Variants in HS6ST2 observed in about 807,000 individuals in gnomAD.
HS6ST2 encodes heparan sulfate 6-O-sulfotransferase 2, also known as heparan-sulfate 6-O-sulfotransferase 2.
A neutral mutation model predicts 33.0 loss-of-function variants in HS6ST2; 17 were observed. That is an observed-to-expected ratio of 0.52 (90% CI 0.35 to 0.77). The LOEUF (loss-of-function observed/expected upper bound fraction) is 0.77, where lower values mean the gene tolerates loss of function less well. Among genes scored for constraint, HS6ST2 ranks in the 30% least tolerant of loss-of-function variants. The probability of loss-of-function intolerance (pLI) is 0.01; values close to 1 mark genes in which losing one functional copy is unlikely to be tolerated. For missense variants in HS6ST2, 519 were observed against 551.7 expected, an observed-to-expected ratio of 0.94 and a Z score of 0.59; for synonymous variants, 248 against 237.1, an observed-to-expected ratio of 1.05 and a Z score of -0.42.
intron 2 of HS6ST2, among the ~76,000 whole-genome samples, chrX:132,828,290 G>A (rs1014489238): frequency 5.1e-4 from 56 of 110,813 alleles, no homozygotes; most frequent in Middle Eastern, 4.6e-3. Flanking sequence ...AGAACAGATG[G>A]TAGTGGTTTT....
intron 2 of HS6ST2, among the ~76,000 whole-genome samples, chrX:132,748,435 T>C (rs1244885525): frequency 1.8e-5 from 2 of 112,024 alleles, no homozygotes; most frequent in Non-Finnish European, 3.8e-5. Context: ...CAGCTGTCCT[T>C]GGCTGCCACC....
rs150549373 is a variant in HS6ST2 at position 132,907,731 on chromosome X, A to G, written c.947+49077T>C. Among the ~76,000 whole-genome samples the G allele has an allele frequency of 3.4e-3, 377 of 112,226 alleles. 1 individual carries two copies. The highest frequency in any genetic ancestry group is 0.011 in the African/African-American group (354 of 30,889). On this transcript the variant is annotated intron_variant, in intron 2 of 4. Transcript: ENST00000370833. ...CAAGTCGACGTCCACATGCAAATGG[A>G]CAAAGATGGACCCCTACTTTATGCC...
chrX:132,865,469 T>G (rs1467339014), intron 2 of HS6ST2, among the ~76,000 whole-genome samples: 1 of 109,873 alleles, frequency 9.1e-6, no homozygotes, highest in Non-Finnish European at 1.9e-5. Flanking sequence ...GCAGCATGAT[T>G]TATAGTCCTT....
At chrX:132,630,333 A>G (rs2063508749) in intron 4 of HS6ST2, among the ~76,000 whole-genome samples, 1 of 112,360 alleles carries the variant, frequency 8.9e-6, no homozygotes, top group Non-Finnish European at 1.9e-5. Flanking sequence ...CTACACATAC[A>G]TGAGGAGCCA....
chrX:132,649,139 T>G (rs911769580), intron 4 of HS6ST2, among the ~76,000 whole-genome samples: 1 of 112,166 alleles, frequency 8.9e-6, no homozygotes, highest in Non-Finnish European at 1.9e-5. Context: ...TGCACTGTAT[T>G]ATGAATCAAT....
chrX:132,867,702 G>A (rs1411377621), intron 2 of HS6ST2, among the ~76,000 whole-genome samples: 1 of 111,486 alleles, frequency 9.0e-6, no homozygotes, highest in African/African-American at 3.3e-5. Flanking sequence ...CATAAGCAAA[G>A]GAGAAATAAA....
At chrX:132,877,542 C>T (rs2066119121) in intron 2 of HS6ST2, among the ~76,000 whole-genome samples, 1 of 111,264 alleles carries the variant, frequency 9.0e-6, no homozygotes, top group Non-Finnish European at 1.9e-5. Context: ...CAGCTCTAAC[C>T]TCTCAGCTCT....
intron 2 of HS6ST2, among the ~76,000 whole-genome samples, chrX:132,890,399 T>C (rs866511460): frequency 1.0e-4 from 11 of 106,486 alleles, no homozygotes; most frequent in Admixed American, 5.0e-4. Context: ...GGTTGGTGCA[T>C]AAGTAATTGC....
intron 2 of HS6ST2, among the ~76,000 whole-genome samples, chrX:132,741,307 T>G (rs184386849): frequency 0.017 from 1,862 of 109,194 alleles, 43 homozygotes; most frequent in African/African-American, 0.057. Context: ...GTTTTGTTTT[T>G]TTTTTTTTTT....
chrX:132,819,854 A>C (rs1305594842), intron 2 of HS6ST2, among the ~76,000 whole-genome samples: 4 of 112,548 alleles, frequency 3.6e-5, no homozygotes, highest in African/African-American at 1.3e-4. Context: ...CCAAGACTGC[A>C]ACAAAACACA....
intron 4 of HS6ST2, among the ~76,000 whole-genome samples, chrX:132,643,067 A>G (rs181683925): frequency 8.9e-6 from 1 of 112,350 alleles, no homozygotes; most frequent in East Asian, 2.8e-4. Flanking sequence ...GAGAAAAGAC[A>G]TTTTTGTCCA....
At chrX:132,849,656 T>C (rs1490281295) in intron 2 of HS6ST2, among the ~76,000 whole-genome samples, 1 of 112,170 alleles carries the variant, frequency 8.9e-6, no homozygotes, top group Non-Finnish European at 1.9e-5. Flanking sequence ...ATCTGCTTTA[T>C]CTAATACACG....
chrX:132,946,682 G>A (rs1346160182), intron 2 of HS6ST2, among the ~76,000 whole-genome samples: 1 of 111,499 alleles, frequency 9.0e-6, no homozygotes, highest in East Asian at 2.8e-4. Context: ...TGAGTTAATG[G>A]GTGCAGCACA....
chrX:132,955,204 TA>T (rs1411619172), intron 2 of HS6ST2, among the ~76,000 whole-genome samples: 4 of 112,639 alleles, frequency 3.6e-5, no homozygotes, highest in Non-Finnish European at 7.5e-5. Flanking sequence ...TTTGGGAACT[TA>T]TTAAACACCA....
intron 2 of HS6ST2, among the ~76,000 whole-genome samples, chrX:132,851,796 C>T (rs1470884865): frequency 9.0e-6 from 1 of 111,494 alleles, no homozygotes; most frequent in Non-Finnish European, 1.9e-5. Flanking sequence ...TTTAAGTTCT[C>T]TCATTAGGAT....
At chrX:132,867,192 G>T (rs1379200902) in intron 2 of HS6ST2, among the ~76,000 whole-genome samples, 1 of 106,194 alleles carries the variant, frequency 9.4e-6, no homozygotes, top group African/African-American at 3.5e-5. Context: ...AGCATGAAGG[G>T]TTGTTGAATT....
At chrX:132,808,105 C>T (rs1402602586) in intron 2 of HS6ST2, among the ~76,000 whole-genome samples, 2 of 111,619 alleles carry the variant, frequency 1.8e-5, no homozygotes, top group Non-Finnish European at 3.8e-5. Flanking sequence ...TCTAAAATCC[C>T]TGTTCCAGAA....
chrX:132,688,479 G>T (rs2064036625), intron 3 of HS6ST2, among the ~76,000 whole-genome samples: 1 of 111,492 alleles, frequency 9.0e-6, no homozygotes, highest in African/African-American at 3.3e-5. Flanking sequence ...GACTGGGGAG[G>T]CCTCAGGAAA....
At position 132,887,461 on chromosome X, in the gene HS6ST2, T is replaced by G. The variant is rs183582408; in HGVS notation, c.947+69347A>C. Among the ~76,000 whole-genome samples, 7 of 112,420 alleles carry G rather than the reference T, an allele frequency of 6.2e-5. No homozygotes were observed. In the East Asian group the frequency reaches 1.7e-3, roughly 27 times the overall value. On this transcript the variant is annotated intron_variant, in intron 2 of 4. Transcript: ENST00000370833. ...ATTAAAAGCAAAAGGAGAACCACTG[T>G]ACATTCACTAGAGTGACTGTAATAA...
Sources: gnomAD v4.1 joint callset for allele counts (sites outside exome capture counted in the v4.1 genomes callset) on GRCh38, gnomAD v4.1.1 for gene constraint, MANE v1.5 for transcripts, NCBI Gene and HGNC (gene_info 2026-07-23, HGNC 2026-07-21) for gene names.